C8A: variants seen among roughly 807,000 people sequenced by gnomAD.
The protein encoded by C8A is complement component C8 alpha chain.
In C8A, 67 loss-of-function variants were observed where a neutral mutation model predicts 65.3. The ratio of observed to expected loss-of-function variants is 1.03; its 90% CI spans 0.84 to 1.26. The LOEUF is 1.26. Ranked by LOEUF, C8A falls within the 50% of genes most tolerant of loss-of-function variation. The probability of loss-of-function intolerance (pLI) is 0.00; values close to 1 mark genes in which losing one functional copy is unlikely to be tolerated. For synonymous variants in C8A, 290 were observed against 259.4 expected (o/e 1.12, Z -1.13); for missense variants, 781 against 723.9 (o/e 1.08, Z -0.90).
chr1:56,875,140 C>T lies in C8A; in HGVS notation c.316+47C>T, dbSNP rs1300661452. On this transcript the variant is annotated intron_variant, in intron 3 of 10. Transcript: ENST00000361249. ...TAACAGCTGTGCCTGTCAAAAGTGA[C>T]ATGTGAAACACTTCCCCAGGGAGCT... 3.8e-6 allele frequency: 6 copies of T among 1,598,940 alleles called. No homozygotes were observed. In the South Asian group the frequency reaches 6.7e-5, roughly 18 times the overall value.
chr1:56,874,164 A>G (rs909255936), intron 2 of C8A, among the ~76,000 whole-genome samples: 1 of 152,184 alleles, frequency 6.6e-6, no homozygotes, highest in Non-Finnish European at 1.5e-5. Context: ...CAGGAGAAAG[A>G]ATCTGTCTCT....
intron 10 of C8A, among the ~76,000 whole-genome samples, chr1:56,914,569 C>A (rs1198274236): frequency 6.6e-6 from 1 of 152,182 alleles, no homozygotes; most frequent in East Asian, 1.9e-4. Flanking sequence ...GTTTTAAGAT[C>A]AGATGATGTT....
Position 56,864,634 on chromosome 1 carries a change from A to C in C8A, c.78-2975A>C, listed in dbSNP as rs1302947405. Reference sequence around the variant, plus strand: ...GATAAGGAAAAGGAGCAACCGAGCAACCAGAGAGTTGGATGACTCGTTTAT... The same window carrying C: ...GATAAGGAAAAGGAGCAACCGAGCACCCAGAGAGTTGGATGACTCGTTTAT... On this transcript the variant is annotated intron_variant, in intron 1 of 10. Transcript: ENST00000361249. Among the ~76,000 whole-genome samples, 5 of 152,286 alleles carry C rather than the reference A, an allele frequency of 3.3e-5. No individual in the cohort carries two copies. In the East Asian group the frequency reaches 9.7e-4, roughly 29 times the overall value.
chr1:56,865,801 G>C (rs1267259818), intron 1 of C8A, among the ~76,000 whole-genome samples: 1 of 152,096 alleles, frequency 6.6e-6, no homozygotes, highest in Non-Finnish European at 1.5e-5. Flanking sequence ...CCATGAACTT[G>C]ACGAGATCAC....
At chr1:56,863,422 T>G (rs1644053128) in intron 1 of C8A, among the ~76,000 whole-genome samples, 2 of 152,200 alleles carry the variant, frequency 1.3e-5, no homozygotes, top group Admixed American at 1.3e-4. Context: ...TCACAAGGCT[T>G]TTAAAACTAC....
intron 1 of C8A, among the ~76,000 whole-genome samples, chr1:56,861,416 A>C (rs1389447380): frequency 6.6e-6 from 1 of 152,100 alleles, no homozygotes; most frequent in African/African-American, 2.4e-5. Context: ...ACAACAACTC[A>C]TTTCCATGGG....
intron 4 of C8A, among the ~76,000 whole-genome samples, chr1:56,877,913 A>G (rs1204357382): frequency 3.3e-5 from 5 of 152,214 alleles, no homozygotes; most frequent in Non-Finnish European, 7.3e-5. Flanking sequence ...ACATATAAAA[A>G]GATGAGAAAA....
chr1:56,900,110 T>C (rs1236774389), intron 7 of C8A, among the ~76,000 whole-genome samples: 2 of 152,212 alleles, frequency 1.3e-5, no homozygotes, highest in Non-Finnish European at 1.5e-5. Flanking sequence ...CCTAGCTTCC[T>C]TTCTCTAAGC....
At chr1:56,914,809 C>G (rs2101316853) in intron 10 of C8A, among the ~76,000 whole-genome samples, 1 of 152,190 alleles carries the variant, frequency 6.6e-6, no homozygotes, top group East Asian at 1.9e-4. Flanking sequence ...CCCTGAGTAG[C>G]TGGGACTACA....
chr1:56,895,104 C>T (rs1644378792), intron 7 of C8A, among the ~76,000 whole-genome samples: 1 of 152,122 alleles, frequency 6.6e-6, no homozygotes, highest in African/African-American at 2.4e-5. Context: ...GTAAATGGCT[C>T]AGTGTGACTC....
intron 6 of C8A, among the ~76,000 whole-genome samples, chr1:56,885,420 A>ATATT (rs1442607673): frequency 3.5e-5 from 3 of 85,964 alleles, no homozygotes; most frequent in African/African-American, 8.7e-5. Context: ...ATTTAAATAT[A>ATATT]TATTTAAATA....
At chr1:56,889,069 C>T (rs1043667386) in intron 7 of C8A, among the ~76,000 whole-genome samples, 3 of 152,096 alleles carry the variant, frequency 2.0e-5, no homozygotes, top group African/African-American at 4.8e-5. Context: ...CTGAAATGGG[C>T]TTCCAATGTG....
At chr1:56,870,877 T>C (rs146190311) in intron 2 of C8A, among the ~76,000 whole-genome samples, 1 of 152,274 alleles carries the variant, frequency 6.6e-6, no homozygotes, top group Non-Finnish European at 1.5e-5. Flanking sequence ...CTCAAAATCA[T>C]CCAAACAAAG....
chr1:56,913,796 A>G (rs1369496887), intron 10 of C8A, among the ~76,000 whole-genome samples: 3 of 152,228 alleles, frequency 2.0e-5, no homozygotes, highest in African/African-American at 7.2e-5. Context: ...CCAAGGTATT[A>G]CAATTGACTC....
chr1:56,908,663 C>G (rs1327706169), intron 9 of C8A, among the ~76,000 whole-genome samples: 2 of 152,186 alleles, frequency 1.3e-5, no homozygotes, highest in African/African-American at 4.8e-5. Flanking sequence ...TGCTACCATC[C>G]TCCACAGTTA....
At position 56,908,094 on chromosome 1, in the gene C8A, CTGT is replaced by C; in HGVS notation, c.1366_1368del (p.Val456del). The C allele has an allele frequency of 1.2e-6, 2 of 1,614,106 alleles. No individual in the cohort carries two copies. Among genetic ancestry groups the C allele is most frequent in the Non-Finnish European group, 1.7e-6 (2 of 1,180,002 alleles). On this transcript the variant is annotated inframe_deletion, in exon 9 of 11. Coordinates refer to ENST00000361249, the MANE Select transcript of C8A (RefSeq NM_000562.3). ...TGGGGGAGGTCATTAAAGTATAATC[CTGT>C]TGTTATCGATTTTGAGGTAAGTCTT... is the stretch of plus-strand genomic sequence containing the variant.
At chr1:56,899,530 G>C (rs543014543) in intron 7 of C8A, among the ~76,000 whole-genome samples, 1 of 152,118 alleles carries the variant, frequency 6.6e-6, no homozygotes, top group Non-Finnish European at 1.5e-5. Flanking sequence ...CTAACACATG[G>C]AATATCTCCA....
intron 2 of C8A, among the ~76,000 whole-genome samples, chr1:56,868,738 A>G (rs138594293): frequency 1.3e-5 from 2 of 152,078 alleles, no homozygotes. Flanking sequence ...TCGGCATACC[A>G]CTCACTGCCT....
intron 4 of C8A, among the ~76,000 whole-genome samples, chr1:56,881,022 G>A (rs1448211940): frequency 6.6e-6 from 1 of 152,168 alleles, no homozygotes; most frequent in East Asian, 1.9e-4. Flanking sequence ...TCCCATGTGG[G>A]AATATGATTC....
Sources: allele counts gnomAD v4.1 joint callset (sites outside exome capture counted in the v4.1 genomes callset), GRCh38; gene constraint gnomAD v4.1.1; transcripts MANE v1.5; gene names NCBI Gene and HGNC (gene_info 2026-07-23, HGNC 2026-07-21).